The following PCCA variants were observed in gnomAD, a reference collection of about 807,000 sequenced individuals.
PCCA encodes propionyl-CoA carboxylase alpha chain, mitochondrial.
A neutral mutation model predicts 101.3 loss-of-function variants in PCCA; 74 were observed. The observed-to-expected ratio is 0.73, with a 90% CI of 0.61 to 0.89. The LOEUF (loss-of-function observed/expected upper bound fraction) is 0.89. PCCA is among the 40% of genes least tolerant of loss of function. The probability of loss-of-function intolerance (pLI) is 0.00; values close to 1 mark genes in which losing one functional copy is unlikely to be tolerated. For missense variants in PCCA, 891 were observed against 907.0 expected (o/e 0.98, Z 0.23); for synonymous variants, 294 against 313.6 (o/e 0.94, Z 0.66).
At chr13:100,458,607 C>T (rs2081967303) in intron 21 of PCCA, among the ~76,000 whole-genome samples, 1 of 151,960 alleles carries the variant, frequency 6.6e-6, no homozygotes, top group African/African-American at 2.4e-5. Flanking sequence ...TTCACTCCAG[C>T]CTGGGGAACA....
chr13:100,287,857 G>GGTAGT (rs2064811697), intron 12 of PCCA, among the ~76,000 whole-genome samples: 2 of 151,858 alleles, frequency 1.3e-5, no homozygotes, highest in African/African-American at 4.8e-5. Context: ...GATACCTGTG[G>GGTAGT]GTAGTGTATT....
chr13:100,097,400 G>C (rs1319153462), intron 1 of PCCA, among the ~76,000 whole-genome samples: 1 of 151,994 alleles, frequency 6.6e-6, no homozygotes, highest in Non-Finnish European at 1.5e-5. Flanking sequence ...GAATTTTATG[G>C]TATGTGAATT....
chr13:100,432,176 A>C (rs2079605889), intron 20 of PCCA, among the ~76,000 whole-genome samples: 2 of 152,116 alleles, frequency 1.3e-5, no homozygotes. Context: ...TAAATAAACA[A>C]ACAAACAGAT....
intron 19 of PCCA, among the ~76,000 whole-genome samples, chr13:100,410,161 G>A (rs1226437826): frequency 2.0e-5 from 3 of 152,196 alleles, no homozygotes; most frequent in East Asian, 3.8e-4. Flanking sequence ...GGTACAAAAC[G>A]TGACTGTCCA....
intron 19 of PCCA, among the ~76,000 whole-genome samples, chr13:100,417,123 G>C (rs1208833591): frequency 1.3e-5 from 2 of 152,222 alleles, no homozygotes; most frequent in African/African-American, 4.8e-5. Context: ...GATTACAGGC[G>C]TGAGCCACCG....
chr13:100,176,007 C>T (rs1022138519), intron 6 of PCCA, among the ~76,000 whole-genome samples: 1 of 152,178 alleles, frequency 6.6e-6, no homozygotes, highest in African/African-American at 2.4e-5. Flanking sequence ...CAAGTCTGAT[C>T]GTTATGCAAT....
At chr13:100,095,202 A>G (rs2046658470) in intron 1 of PCCA, among the ~76,000 whole-genome samples, 1 of 151,920 alleles carries the variant, frequency 6.6e-6, no homozygotes, top group Non-Finnish European at 1.5e-5. Flanking sequence ...ATTCTTTTAT[A>G]AAGACACTTT....
intron 18 of PCCA, among the ~76,000 whole-genome samples, chr13:100,355,940 A>T (rs2073916943): frequency 6.6e-6 from 1 of 152,202 alleles, no homozygotes; most frequent in Non-Finnish European, 1.5e-5. Context: ...ATGGAATAGA[A>T]TCGAGACTCC....
chr13:100,468,902 G>A (rs1191617476), intron 21 of PCCA, among the ~76,000 whole-genome samples: 1 of 151,948 alleles, frequency 6.6e-6, no homozygotes, highest in African/African-American at 2.4e-5. Context: ...GAAAGATGGT[G>A]GAGCAAGAAC....
At chr13:100,269,030 T>C (rs1047203071) in intron 11 of PCCA, among the ~76,000 whole-genome samples, 2 of 152,128 alleles carry the variant, frequency 1.3e-5, no homozygotes, top group Non-Finnish European at 2.9e-5. Flanking sequence ...TTGTGTTTTG[T>C]AGAGATGGGG....
chr13:100,097,895 G>A (rs934947794), intron 1 of PCCA, among the ~76,000 whole-genome samples: 1 of 152,110 alleles, frequency 6.6e-6, no homozygotes, highest in Admixed American at 6.5e-5. Context: ...ATGGTGACAT[G>A]CATCCATAGT....
chr13:100,177,684 A>C (rs1365287295), intron 6 of PCCA, among the ~76,000 whole-genome samples: 3 of 152,192 alleles, frequency 2.0e-5, no homozygotes, highest in African/African-American at 7.2e-5. Flanking sequence ...CATTTATAAA[A>C]CATTTTAAGA....
At chr13:100,153,543 G>A (rs2390401) in intron 4 of PCCA, among the ~76,000 whole-genome samples, 79,816 of 151,962 alleles carry the variant, frequency 0.53, 21,991 homozygotes, top group East Asian at 0.77. Context: ...TCTTACAGAA[G>A]AAAACTACAA....
At chr13:100,263,303 A>C (rs2062653771) in intron 10 of PCCA, among the ~76,000 whole-genome samples, 1 of 152,220 alleles carries the variant, frequency 6.6e-6, no homozygotes, top group Non-Finnish European at 1.5e-5. Context: ...GGAAGAAGAC[A>C]AGTCTGTTGA....
chr13:100,168,776 ATTC>A (rs1257735816), intron 6 of PCCA, among the ~76,000 whole-genome samples: 1 of 152,174 alleles, frequency 6.6e-6, no homozygotes, highest in Non-Finnish European at 1.5e-5. Flanking sequence ...ACCAGGATTC[ATTC>A]TCTTCCTTAC....
chr13:100,464,901 T>G (rs751407019), intron 21 of PCCA, among the ~76,000 whole-genome samples: 7 of 152,234 alleles, frequency 4.6e-5, no homozygotes, highest in Non-Finnish European at 1.0e-4. Context: ...TATGAGATGT[T>G]CTTTCTTCTA....
chr13:100,443,179 TA>T (rs2080508042), intron 20 of PCCA, among the ~76,000 whole-genome samples: 2 of 152,156 alleles, frequency 1.3e-5, no homozygotes, highest in South Asian at 4.1e-4. Flanking sequence ...CGTCTGTTTC[TA>T]TGGGGCTCAC....
At position 100,280,448 on chromosome 13, in the gene PCCA, C is replaced by T. The variant is rs28687796; in HGVS notation, c.1065+7102C>T. Among the ~76,000 whole-genome samples, 1,400 of 152,084 alleles carry T rather than the reference C, an allele frequency of 9.2e-3. 22 individuals are homozygous for T. The highest frequency in any genetic ancestry group is 0.032 in the African/African-American group (1,333 of 41,448). ...TCTTTGTGCCTTGTATCATGCCACT[C>T]CCATTGCTTGGAATGTTCTCTGTTC... is the stretch of plus-strand genomic sequence containing the variant. On this transcript the variant is annotated intron_variant, in intron 12 of 23. Transcript: ENST00000376285.
intron 19 of PCCA, among the ~76,000 whole-genome samples, chr13:100,405,660 G>A (rs543328982): frequency 1.3e-3 from 204 of 152,102 alleles, no homozygotes; most frequent in Middle Eastern, 3.4e-3. Context: ...CTTTTAAGCC[G>A]AGCCCAGCCA....
Sources: gnomAD v4.1 joint callset for allele counts (sites outside exome capture counted in the v4.1 genomes callset) on GRCh38, gnomAD v4.1.1 for gene constraint, MANE v1.5 for transcripts, NCBI Gene and HGNC (gene_info 2026-07-23, HGNC 2026-07-21) for gene names.